Variants in PCDH15 observed in about 807,000 individuals in gnomAD.
PCDH15 encodes protocadherin related 15.
Under a neutral mutation model 178.5 loss-of-function variants are expected in PCDH15, and 129 were observed. That is an observed-to-expected ratio of 0.72 (90% confidence interval 0.63 to 0.84). The LOEUF is 0.84. Ranked by LOEUF, PCDH15 falls within the 40% of genes least tolerant of loss-of-function variation. PCDH15 has a pLI of 0.00. For missense variants in PCDH15, 2,230 were observed against 2,099.9 expected, an observed-to-expected ratio of 1.06 and a Z score of -1.21; for synonymous variants, 800 against 732.0, an observed-to-expected ratio of 1.09 and a Z score of -1.50.
intron 18 of PCDH15, among the ~76,000 whole-genome samples, chr10:54,064,963 C>G (rs190283851): frequency 6.6e-6 from 1 of 152,126 alleles, no homozygotes; most frequent in Admixed American, 6.5e-5. Context: ...TTGCTCCCAC[C>G]GGCTCCCTGG....
At chr10:54,467,962 T>A (rs1387398606) in intron 3 of PCDH15, among the ~76,000 whole-genome samples, 1 of 151,990 alleles carries the variant, frequency 6.6e-6, no homozygotes, top group African/African-American at 2.4e-5. Context: ...TGTAGGGTTA[T>A]TCGTAATCGT....
At chr10:55,457,378 A>AT (rs763833792) in intron 2 of PCDH15, among the ~76,000 whole-genome samples, 3 of 151,928 alleles carry the variant, frequency 2.0e-5, no homozygotes, top group Non-Finnish European at 4.4e-5. Flanking sequence ...ATCTTATATG[A>AT]TTTTTTGTGT....
At chr10:53,848,401 T>C (rs1403725185) in intron 28 of PCDH15, among the ~76,000 whole-genome samples, 1 of 152,106 alleles carries the variant, frequency 6.6e-6, no homozygotes, top group Admixed American at 6.5e-5. Context: ...AACTATTTTC[T>C]AGTTATTTTC....
intron 26 of PCDH15, among the ~76,000 whole-genome samples, chr10:53,892,169 C>G (rs886768602): frequency 3.3e-5 from 5 of 151,834 alleles, no homozygotes; most frequent in Non-Finnish European, 7.4e-5. Flanking sequence ...GGATTACAGG[C>G]GCCTGCCACT....
At chr10:55,463,915 A>G (rs1408082428) in intron 2 of PCDH15, among the ~76,000 whole-genome samples, 2 of 23,708 alleles carry the variant, frequency 8.4e-5, no homozygotes, top group Admixed American at 5.5e-4. Flanking sequence ...GAAAGAAAGA[A>G]AGAAAGAAAG....
chr10:54,701,836 A>T (rs1202681090), intron 1 of PCDH15, among the ~76,000 whole-genome samples: 1 of 152,134 alleles, frequency 6.6e-6, no homozygotes, highest in African/African-American at 2.4e-5. Context: ...AGAGACTTAG[A>T]TAACCACACA....
chr10:54,271,340 A>C (rs865932841), intron 8 of PCDH15, among the ~76,000 whole-genome samples: 82 of 152,090 alleles, frequency 5.4e-4, no homozygotes, highest in African/African-American at 1.9e-3. Flanking sequence ...CCTCCTGAGT[A>C]GCTGGGACTA....
At chr10:55,271,381 G>C (rs541522418) in intron 1 of PCDH15, among the ~76,000 whole-genome samples, 3 of 151,808 alleles carry the variant, frequency 2.0e-5, no homozygotes, top group Non-Finnish European at 4.4e-5. Context: ...AGAAAAAAAG[G>C]ATTTTTTTCT....
rs545949372 is a variant in PCDH15 at position 54,872,968 on chromosome 10, AATGTTCT to A, written c.-29+24475_-29+24481del. ...CAAAGGACATACTTGTCACTTTGAA[AATGTTCT>A]AAGACCCCTCTACAAATTGTAAAAG... On this transcript the variant is annotated intron_variant, in intron 3 of 5. Coordinates refer to the PCDH15 transcript ENST00000458638. Among the ~76,000 whole-genome samples the A allele has an allele frequency of 1.8e-4, 27 of 152,190 alleles. No homozygotes were observed. In the East Asian group the frequency reaches 4.7e-3, roughly 26 times the overall value.
intron 9 of PCDH15, among the ~76,000 whole-genome samples, chr10:54,217,207 C>A (rs1442858964): frequency 6.6e-6 from 1 of 151,962 alleles, no homozygotes; most frequent in Non-Finnish European, 1.5e-5. Flanking sequence ...TATTATAAAA[C>A]TAATTAAATT....
chr10:55,148,326 A>G (rs1474280374), intron 2 of PCDH15, among the ~76,000 whole-genome samples: 1 of 151,922 alleles, frequency 6.6e-6, no homozygotes, highest in Non-Finnish European at 1.5e-5. Flanking sequence ...CTGGCCCAGA[A>G]GATAGTAAGT....
At chr10:54,683,967 A>C (rs2135699951) in intron 1 of PCDH15, among the ~76,000 whole-genome samples, 1 of 152,162 alleles carries the variant, frequency 6.6e-6, no homozygotes, top group Non-Finnish European at 1.5e-5. Context: ...TATCATAAAG[A>C]AAAAAATATA....
intron 2 of PCDH15, among the ~76,000 whole-genome samples, chr10:55,088,627 ACAGATTGCCAC>A: frequency 7.1e-6 from 1 of 140,364 alleles, no homozygotes; most frequent in Admixed American, 8.7e-5. Flanking sequence ...TACTCATGGA[ACAGATTGCCAC>A]AAAAGAGCAA....
chr10:54,095,021 G>C (rs112885047), intron 15 of PCDH15, among the ~76,000 whole-genome samples: 13 of 152,070 alleles, frequency 8.5e-5, no homozygotes, highest in Non-Finnish European at 1.2e-4. Flanking sequence ...ATCAAATACC[G>C]TCTGATAGAG....
rs61862390 is a variant in PCDH15, at chr10:53,822,367, G to A, written c.4368-2137C>T. ...AATGTAGGAGGAGGAAGAGGAAGAG[G>A]GATAGAAGGAGGAGAGGGAGGAGGA... is the stretch of plus-strand genomic sequence containing the variant. On this transcript the variant is annotated intron_variant, in intron 32 of 37. Coordinates refer to ENST00000644397, the MANE Select transcript of PCDH15 (RefSeq NM_001384140.1). 24,457 of 1,576,182 alleles carry A rather than the reference G, an allele frequency of 0.016. 344 individuals are homozygous for A. The highest frequency in any genetic ancestry group is 0.021 in the Admixed American group (1,100 of 53,452).
At chr10:54,655,709 C>T (rs544712482) in intron 2 of PCDH15, 1 of 152,100 alleles carries the variant, frequency 6.6e-6, no homozygotes, top group Non-Finnish European at 1.5e-5. Context: ...TCTTCTAAAG[C>T]AGGAAAAGAT....
At chr10:54,450,132 T>TATAA (rs1267446881) in intron 3 of PCDH15, among the ~76,000 whole-genome samples, 4 of 27,776 alleles carry the variant, frequency 1.4e-4, no homozygotes, top group African/African-American at 2.8e-4. Context: ...TTTTTATAAA[T>TATAA]ATATATATAT....
chr10:55,278,102 G>A (rs1842640599), intron 1 of PCDH15, among the ~76,000 whole-genome samples: 1 of 152,006 alleles, frequency 6.6e-6, no homozygotes, highest in Non-Finnish European at 1.5e-5. Flanking sequence ...GCAGTCAAAG[G>A]TTATGAACAG....
At chr10:53,923,546 A>G (rs570905454) in intron 25 of PCDH15, among the ~76,000 whole-genome samples, 9 of 152,372 alleles carry the variant, frequency 5.9e-5, no homozygotes, top group African/African-American at 2.2e-4. Context: ...AAAATTAGGG[A>G]ATATTTAAGA....
Sources: allele counts gnomAD v4.1 joint callset (sites outside exome capture counted in the v4.1 genomes callset), GRCh38; gene constraint gnomAD v4.1.1; transcripts MANE v1.5; gene names NCBI Gene and HGNC (gene_info 2026-07-23, HGNC 2026-07-21).